The following CFAP47 variants were observed in gnomAD, a reference collection of about 807,000 sequenced individuals.
The protein encoded by CFAP47 is cilia and flagella associated protein 47, also known as cilia- and flagella-associated protein 47.
A neutral mutation model predicts 148.1 loss-of-function variants in CFAP47; 29 were observed. That is an observed-to-expected ratio of 0.20 (90% CI 0.15 to 0.27). The LOEUF is 0.27. CFAP47 is among the 10% of genes least tolerant of loss of function. CFAP47 has a pLI of 1.00. For synonymous variants in CFAP47, 664 were observed against 577.3 expected, an observed-to-expected ratio of 1.15 and a Z score of -2.15; for missense variants, 1,872 against 1,697.5, an observed-to-expected ratio of 1.10 and a Z score of -1.81.
chrX:36,026,839 T>C (rs1937222463), intron 22 of CFAP47, among the ~76,000 whole-genome samples: 1 of 110,077 alleles, frequency 9.1e-6, no homozygotes. Flanking sequence ...AAAGTATCAT[T>C]TTTCCTCCCA....
intron 39 of CFAP47, among the ~76,000 whole-genome samples, chrX:36,168,224 C>G (rs1473802837): frequency 9.0e-6 from 1 of 111,119 alleles, no homozygotes; most frequent in East Asian, 2.8e-4. Flanking sequence ...TTTTATATTT[C>G]CTTTATATAT....
chrX:36,275,786 G>A (rs1419389838), intron 49 of CFAP47, among the ~76,000 whole-genome samples: 1 of 110,865 alleles, frequency 9.0e-6, no homozygotes, highest in Non-Finnish European at 1.9e-5. Context: ...CTCTTTAAAT[G>A]TTTGGTAGAA....
At position 36,179,421 on chromosome X, in the gene CFAP47, G is replaced by C; in HGVS notation, c.6103G>C (p.Asp2035His). 6.7e-6 allele frequency: 2 copies of C among 296,719 alleles called. No individual in the cohort carries two copies. Among genetic ancestry groups the C allele is most frequent in the Non-Finnish European group, 1.2e-5 (2 of 169,627 alleles). 24.5% of individuals were successfully genotyped at this position (296,719 alleles called of 1,213,427 possible). A position where few individuals can be genotyped will look rare whatever the true frequency, so the allele number is the denominator to read the frequency against. ...TGAATCCAGGCAATACCCGAAACAT[G>C]AGTAAGTGTCTATATTTTGTACTCA... is the stretch of plus-strand genomic sequence containing the variant. ...LTESRQYPKH[D>H]DDMSSSGSDT... The change falls in exon 40 of 64, where the codon GAT becomes CAT. Residue 2035 changes from aspartate (D) to histidine (H), a missense_variant and splice_region_variant. Coordinates refer to ENST00000378653, the MANE Select transcript of CFAP47 (RefSeq NM_001304548.2).
At chrX:36,160,951 G>A (rs766985083) in intron 39 of CFAP47, among the ~76,000 whole-genome samples, 182 bp downstream of exon 39, 8 of 106,285 alleles carry the variant, frequency 7.5e-5, no homozygotes, top group African/African-American at 1.7e-4. Flanking sequence ...CAGGTCAAGC[G>A]ATTCTCCTGC....
At chrX:36,258,948 C>T (rs1940786528) in intron 49 of CFAP47, among the ~76,000 whole-genome samples, 1 of 111,787 alleles carries the variant, frequency 8.9e-6, no homozygotes, top group South Asian at 3.7e-4. Flanking sequence ...CCAATATTAT[C>T]CTTCTCTAAC....
chrX:36,023,383 C>T (rs1329325126), intron 22 of CFAP47, among the ~76,000 whole-genome samples: 2 of 111,716 alleles, frequency 1.8e-5, no homozygotes, highest in Non-Finnish European at 3.8e-5. Flanking sequence ...GTGGCCACCA[C>T]CACTAGGACT....
In CFAP47 at chrX:35,971,769, A is replaced by G. The variant is rs1936495872; in HGVS notation, c.2154A>G (p.Arg718=). 8.3e-7 allele frequency: 1 copy of G among 1,203,313 alleles called. No homozygotes were observed. Among genetic ancestry groups the G allele is most frequent in the African/African-American group, 1.8e-5 (1 of 57,055 alleles). ...CTCAGGAGGAAGAGTCTGTGAGAAG[A>G]AAGGCACGTGCAATGTTTTACATTT... The part of the protein sequence containing the change: ...IASQEEESVR[R]KVLKGLKSEP... The change falls in exon 12 of 64, where the codon AGA becomes AGG. Residue 718 remains arginine, a synonymous_variant. Coordinates refer to ENST00000378653, the MANE Select transcript of CFAP47 (RefSeq NM_001304548.2).
At chrX:36,105,356 C>G (rs1402596313) in intron 33 of CFAP47, among the ~76,000 whole-genome samples, 2 of 111,740 alleles carry the variant, frequency 1.8e-5, no homozygotes, top group African/African-American at 6.5e-5. Context: ...AGCTTCAATT[C>G]AACTCCTTTC....
rs1555994546 is a variant in CFAP47 at position 36,236,081 on chromosome X, T to C, written c.7158+4T>C. 5 of 471,523 alleles carry C rather than the reference T, an allele frequency of 1.1e-5. No individual in the cohort carries two copies. The highest frequency in any genetic ancestry group is 7.1e-5 in the South Asian group (2 of 28,235). 38.9% of individuals were successfully genotyped at this position (471,523 alleles called of 1,213,427 possible). On this transcript the variant is annotated splice_donor_region_variant and intron_variant, in intron 47 of 63. Transcript: ENST00000378653. ...TATTTTTGAATGTGTCATTACGGTATGAACTCCTTGATATTTTCCCCAGTA... is the reference window on the plus strand; with the variant it reads ...TATTTTTGAATGTGTCATTACGGTACGAACTCCTTGATATTTTCCCCAGTA...
chrX:36,102,063 A>G (rs1478337534), intron 32 of CFAP47, among the ~76,000 whole-genome samples: 1 of 111,629 alleles, frequency 9.0e-6, no homozygotes, highest in Admixed American at 9.5e-5. Context: ...ATAGCCCAGG[A>G]CTATGTTCTA....
intron 29 of CFAP47, among the ~76,000 whole-genome samples, chrX:36,078,402 A>G (rs1328265119): frequency 9.0e-6 from 1 of 111,338 alleles, no homozygotes; most frequent in African/African-American, 3.3e-5. Flanking sequence ...TTGGGTGCAT[A>G]TATATTTAGG....
chrX:36,191,589 C>T (rs1382544199), intron 42 of CFAP47, among the ~76,000 whole-genome samples: 3 of 111,530 alleles, frequency 2.7e-5, no homozygotes, highest in African/African-American at 9.8e-5. Context: ...TTGTTTTACA[C>T]GTTGCTAATT....
chrX:36,255,753 C>T (rs1940743278), intron 49 of CFAP47, among the ~76,000 whole-genome samples: 2 of 111,334 alleles, frequency 1.8e-5, no homozygotes, highest in Admixed American at 1.9e-4. Context: ...GTACTTCGGA[C>T]AGTAAGCAAC....
chrX:36,292,533 A>T (rs1941203427), intron 51 of CFAP47, among the ~76,000 whole-genome samples: 1 of 111,951 alleles, frequency 8.9e-6, no homozygotes, highest in Non-Finnish European at 1.9e-5. Context: ...TGAACTTGTG[A>T]TTATCTTCCG....
chrX:35,987,826 G>A (rs1239865834), intron 15 of CFAP47, among the ~76,000 whole-genome samples: 2 of 111,556 alleles, frequency 1.8e-5, no homozygotes, highest in Non-Finnish European at 3.8e-5. Context: ...ATCCCTCACG[G>A]CAAGGTCCAT....
At chrX:35,969,381 G>T (rs775116878) in intron 10 of CFAP47, among the ~76,000 whole-genome samples, 1 of 111,698 alleles carries the variant, frequency 9.0e-6, no homozygotes, top group East Asian at 2.8e-4. Flanking sequence ...AGTATGCCTT[G>T]TGCTTAGAAC....
chrX:36,373,986 G>C (rs1057465955), intron 62 of CFAP47, among the ~76,000 whole-genome samples: 41 of 111,058 alleles, frequency 3.7e-4, no homozygotes, highest in African/African-American at 1.3e-3. Flanking sequence ...GATGATTTTT[G>C]CTTTCATGTT....
chrX:36,186,185 G>C (rs1207084520), intron 40 of CFAP47, among the ~76,000 whole-genome samples: 2 of 111,675 alleles, frequency 1.8e-5, no homozygotes, highest in Non-Finnish European at 3.8e-5. Context: ...AAACGTATCT[G>C]TGATTATTTG....
Position 36,073,325 on chromosome X carries a change from A to G in CFAP47, c.4652A>G (p.Glu1551Gly). ...QTWFSLFGWP[E>G]GPHSFSIPET... Reference sequence around the variant, plus strand: ...TGGTTCAGTCTCTTTGGCTGGCCTGAAGGACCCCATTCTTTTTCTATTCCA... The same window carrying G: ...TGGTTCAGTCTCTTTGGCTGGCCTGGAGGACCCCATTCTTTTTCTATTCCA... The change falls in exon 29 of 64, where the codon GAA becomes GGA. Residue 1551 changes from glutamate to glycine, a missense_variant. Coordinates refer to ENST00000378653, the MANE Select transcript of CFAP47 (RefSeq NM_001304548.2). 8.3e-7 allele frequency: 1 copy of G among 1,208,770 alleles called. No individual in the cohort carries two copies. The highest frequency in any genetic ancestry group is 1.1e-6 in the Non-Finnish European group (1 of 893,035).
Sources: gnomAD v4.1 joint callset for allele counts (sites outside exome capture counted in the v4.1 genomes callset) on GRCh38, gnomAD v4.1.1 for gene constraint, MANE v1.5 for transcripts, NCBI Gene and HGNC (gene_info 2026-07-23, HGNC 2026-07-21) for gene names.